The following IDE variants were observed in gnomAD, a reference collection of about 807,000 sequenced individuals.
The protein encoded by IDE is insulin-degrading enzyme.
In IDE, 58 loss-of-function variants were observed where a neutral mutation model predicts 133.2. The ratio of observed to expected loss-of-function variants is 0.44; its 90% confidence interval spans 0.35 to 0.54. The LOEUF (loss-of-function observed/expected upper bound fraction) is 0.54, where lower values mean the gene tolerates loss of function less well. IDE is among the 20% of genes least tolerant of loss of function. The pLI, the probability that IDE is intolerant of heterozygous loss-of-function variation, is 0.00. For synonymous variants in IDE, 396 were observed against 421.3 expected (o/e 0.94, Z 0.73); for missense variants, 981 against 1,234.0 (o/e 0.79, Z 3.07).
At chr10:92,557,404 C>T (rs919433193) in intron 1 of IDE, among the ~76,000 whole-genome samples, 2 of 151,818 alleles carry the variant, frequency 1.3e-5, no homozygotes, top group South Asian at 2.1e-4. Context: ...GGCTTGGTGG[C>T]GGGCGCCTGT....
At chr10:92,556,994 A>G (rs568092563) in intron 1 of IDE, among the ~76,000 whole-genome samples, 2 of 152,066 alleles carry the variant, frequency 1.3e-5, no homozygotes, top group East Asian at 3.9e-4. Context: ...AAATGGAAAG[A>G]CTCCCATGTT....
Position 92,507,651 on chromosome 10 carries a change from A to G in IDE, c.1169T>C (p.Ile390Thr), listed in dbSNP as rs1288310989. The stretch of plus-strand genomic sequence containing the variant: ...AATGTATTGAAACATGTGCAAAATT[A>G]TATCTTCAACATGTACTGGAAAAAA... ...TEEGLLHVED[I>T]ILHMFQYIQK... Residue 390 changes from isoleucine to threonine, a missense_variant, in exon 9 of 25, where the codon ATA becomes ACA. Transcript: ENST00000265986. 5 of 1,586,234 alleles carry G rather than the reference A, an allele frequency of 3.2e-6. No homozygotes were observed. Among genetic ancestry groups the G allele is most frequent in the African/African-American group, 2.7e-5 (2 of 74,516 alleles).
chr10:92,476,555 G>A (rs2135398608), intron 15 of IDE, among the ~76,000 whole-genome samples: 1 of 152,080 alleles, frequency 6.6e-6, no homozygotes, highest in Admixed American at 6.5e-5. Flanking sequence ...TCAAACTCCT[G>A]AGCTCAAGTG....
At chr10:92,505,381 G>A (rs1848241663) in intron 10 of IDE, among the ~76,000 whole-genome samples, 1 of 152,112 alleles carries the variant, frequency 6.6e-6, no homozygotes, top group African/African-American at 2.4e-5. Context: ...GGCCAGTGTA[G>A]AAAAACAATG....
At chr10:92,461,351 G>T in intron 21 of IDE, 99 bp from the exon 22 acceptor site, 1 of 561,730 alleles carries the variant, frequency 1.8e-6, no homozygotes. Context: ...AGACTCTTAA[G>T]TATCCATATA....
At chr10:92,534,834 TTAG>T (rs1841909728) in intron 2 of IDE, 49 bp from the exon 3 acceptor site, 2 of 1,399,532 alleles carry the variant, frequency 1.4e-6, no homozygotes, top group Non-Finnish European at 2.0e-6. Flanking sequence ...ATGCTGAAAG[TTAG>T]TAAGTACAGG....
intron 1 of IDE, among the ~76,000 whole-genome samples, chr10:92,550,650 CAAAAAAAAAAA>C (rs71028826): frequency 3.5e-5 from 2 of 57,428 alleles, no homozygotes; most frequent in South Asian, 5.7e-4. Context: ...GACTCCGTCT[CAAAAAAAAAAA>C]AAAAAAAAAA....
intron 1 of IDE, among the ~76,000 whole-genome samples, chr10:92,542,132 A>G (rs1842336220): frequency 6.6e-6 from 1 of 152,176 alleles, no homozygotes; most frequent in Admixed American, 6.6e-5. Context: ...AGGAACCTAG[A>G]CTAGTGATGA....
At chr10:92,525,752 G>GAAAAAAAAAAAAAA (rs59547662) in intron 4 of IDE, among the ~76,000 whole-genome samples, 1 of 116,416 alleles carries the variant, frequency 8.6e-6, no homozygotes. Flanking sequence ...TGAACAATCT[G>GAAAAAAAAAAAAAA]AAAAAAAAAA....
chr10:92,508,285 A>G lies in IDE; in HGVS notation c.1061-80T>C, dbSNP rs1848402594. On this transcript the variant is annotated intron_variant, in intron 7 of 24. Transcript: ENST00000265986. ...GATAAGAAAAATTTTAAAAATTCAT[A>G]CTGTATGTTCCTAAGATATCAGAAT... 10 of 1,041,566 alleles carry G rather than the reference A, an allele frequency of 9.6e-6. No individual in the cohort carries two copies. In the South Asian group the frequency reaches 1.4e-4, roughly 14 times the overall value. The allele number at this position is 1,041,566 out of a possible 1,614,324, so 64.5% of individuals were successfully genotyped here.
At chr10:92,561,527 G>A (rs940506492) in intron 1 of IDE, among the ~76,000 whole-genome samples, 11 of 151,676 alleles carry the variant, frequency 7.3e-5, no homozygotes, top group African/African-American at 2.2e-4. Context: ...CGAGGCGGGC[G>A]GATCACCTGA....
At chr10:92,499,010 T>C (rs1847871561) in intron 11 of IDE, among the ~76,000 whole-genome samples, 1 of 152,162 alleles carries the variant, frequency 6.6e-6, no homozygotes, top group African/African-American at 2.4e-5. Flanking sequence ...AATACAAATA[T>C]TTAAACTGTT....
chr10:92,543,929 C>A lies in IDE; in HGVS notation c.99-6379G>T, dbSNP rs1277641343. 2.0e-5 allele frequency among the ~76,000 whole-genome samples: 3 copies of A among 152,196 alleles called. No individual in the cohort carries two copies. The East Asian group carries it at 5.8e-4, about 29-fold the overall frequency. On this transcript the variant is annotated intron_variant, in intron 1 of 24. Coordinates refer to ENST00000265986, the MANE Select transcript of IDE (RefSeq NM_004969.4). ...CTTCTTCCACATGGAGTTTTCAGGG[C>A]TGTTAGGAAATGTAAGATATAGGCC... is the stretch of plus-strand genomic sequence containing the variant.
At chr10:92,473,289 T>C (rs530243667) in intron 17 of IDE, among the ~76,000 whole-genome samples, 18 of 152,180 alleles carry the variant, frequency 1.2e-4, no homozygotes, top group African/African-American at 4.3e-4. Context: ...GAAAGATTAA[T>C]TGGCGAGGTA....
chr10:92,546,525 A>C (rs942084172), intron 1 of IDE, among the ~76,000 whole-genome samples: 5 of 152,208 alleles, frequency 3.3e-5, no homozygotes, highest in African/African-American at 9.6e-5. Context: ...ACCCATACCA[A>C]AGAGGTGCTA....
intron 1 of IDE, among the ~76,000 whole-genome samples, chr10:92,567,926 G>A (rs1033761321): frequency 1.3e-5 from 2 of 152,112 alleles, no homozygotes; most frequent in South Asian, 2.1e-4. Context: ...AGTTTTGATC[G>A]TGCCACTGCA....
intron 5 of IDE, among the ~76,000 whole-genome samples, chr10:92,510,407 G>C (rs971902242): frequency 2.6e-5 from 4 of 151,930 alleles, no homozygotes; most frequent in Non-Finnish European, 5.9e-5. Flanking sequence ...AATTGCATTT[G>C]GAAAAATGAC....
chr10:92,457,598 T>C (rs535248839), intron 22 of IDE, among the ~76,000 whole-genome samples: 1 of 152,218 alleles, frequency 6.6e-6, no homozygotes, highest in Non-Finnish European at 1.5e-5. Flanking sequence ...ACAGCAGACT[T>C]CTACTGTCTT....
intron 17 of IDE, 169 bp downstream of exon 17, chr10:92,474,672 T>C: frequency 3.6e-6 from 2 of 560,672 alleles, no homozygotes; most frequent in South Asian, 4.5e-5. Context: ...TATATGTTAC[T>C]GTTAACTATA....
Sources: allele counts gnomAD v4.1 joint callset (sites outside exome capture counted in the v4.1 genomes callset), GRCh38; gene constraint gnomAD v4.1.1; transcripts MANE v1.5; gene names NCBI Gene and HGNC (gene_info 2026-07-23, HGNC 2026-07-21).